Variants in SPACDR observed in about 807,000 individuals in gnomAD.
SPACDR encodes the protein uncharacterized protein C7orf61.
chr7:100,463,904 C>A, the SPACDR span: 6 of 1,556,830 alleles, frequency 3.9e-6, no homozygotes, highest in Non-Finnish European at 5.3e-6. Context: ...TAAGGGGCTG[C>A]TGCGACCCAT....
the SPACDR span, among the ~76,000 whole-genome samples, chr7:100,459,866 C>G: frequency 1.3e-5 from 2 of 151,930 alleles, no homozygotes; most frequent in Admixed American, 6.6e-5. Flanking sequence ...TATTACAAAT[C>G]AAGCTGCTGT....
the SPACDR span, among the ~76,000 whole-genome samples, chr7:100,457,859 T>A: frequency 0.39 from 28,172 of 72,034 alleles, 3,668 homozygotes; most frequent in Middle Eastern, 0.6. Context: ...ATATATATAT[T>A]TTTTTTTTTT....
the SPACDR span, among the ~76,000 whole-genome samples, chr7:100,457,392 C>T: frequency 6.6e-6 from 1 of 151,970 alleles, no homozygotes; most frequent in Admixed American, 6.6e-5. Flanking sequence ...GATCTCAGCT[C>T]ACTGCATCCT....
the SPACDR span, chr7:100,456,622 A>C: frequency 1.4e-6 from 1 of 734,416 alleles, no homozygotes; most frequent in Non-Finnish European, 2.2e-6. Context: ...ATACTGACTC[A>C]GAACTATCTG....
the SPACDR span, among the ~76,000 whole-genome samples, chr7:100,457,841 G>GTGTGTGTA: frequency 6.7e-4 from 57 of 85,068 alleles, no homozygotes; most frequent in East Asian, 1.6e-3. Context: ...GTGTGTGTGT[G>GTGTGTGTA]TATATATATA....
chr7:100,462,437 T>A, the SPACDR span, among the ~76,000 whole-genome samples: 3 of 151,920 alleles, frequency 2.0e-5, no homozygotes, highest in South Asian at 6.2e-4. Flanking sequence ...ATGGTCTCAA[T>A]CTCCTGACCT....
chr7:100,456,892 C>T, the SPACDR span: 1 of 1,613,700 alleles, frequency 6.2e-7, no homozygotes, highest in South Asian at 1.1e-5. Context: ...GCCCACAGCA[C>T]CAGGTACACC....
At chr7:100,456,752 C>G in the SPACDR span, 1 of 1,600,060 alleles carries the variant, frequency 6.2e-7, no homozygotes, top group African/African-American at 1.3e-5. Flanking sequence ...GGGGTTCCCC[C>G]TAGAGGGGAC....
the SPACDR span, chr7:100,463,211 T>G: frequency 1.6e-6 from 1 of 614,232 alleles, no homozygotes; most frequent in Non-Finnish European, 2.8e-6. Context: ...TGAGCTCAAG[T>G]GATCCTCCCA....
the SPACDR span, chr7:100,457,053 A>C: frequency 8.7e-7 from 1 of 1,145,634 alleles, no homozygotes; most frequent in South Asian, 1.5e-5. Context: ...CGCTAGAACG[A>C]CCCATAGATA....
chr7:100,463,185 G>C, the SPACDR span, among the ~76,000 whole-genome samples: 1 of 151,856 alleles, frequency 6.6e-6, no homozygotes, highest in African/African-American at 2.4e-5. Context: ...TGTTGCCCAG[G>C]CTGGTCTCGA....
the SPACDR span, among the ~76,000 whole-genome samples, chr7:100,461,950 G>A: frequency 5.1e-5 from 7 of 137,260 alleles, no homozygotes; most frequent in Non-Finnish European, 9.2e-5. Flanking sequence ...CCGAGATCCC[G>A]CCACTGCACT....
chr7:100,459,921 G>A, the SPACDR span, among the ~76,000 whole-genome samples: 2 of 149,774 alleles, frequency 1.3e-5, no homozygotes, highest in Non-Finnish European at 3.0e-5. Flanking sequence ...ATGGAGTCTC[G>A]CTCTGTCACC....
the SPACDR span, chr7:100,463,253 C>G: frequency 1.1e-4 from 96 of 889,996 alleles, 1 homozygote; most frequent in East Asian, 8.5e-4. Flanking sequence ...GGATTACAGG[C>G]GTGAGTCACT....
the SPACDR span, chr7:100,456,962 G>C: frequency 4.3e-6 from 7 of 1,612,726 alleles, no homozygotes; most frequent in East Asian, 1.6e-4. Context: ...CTTGGGAGCT[G>C]ACTGAGGCAG....
the SPACDR span, chr7:100,463,839 C>A: frequency 7.6e-7 from 1 of 1,307,994 alleles, no homozygotes; most frequent in Non-Finnish European, 1.1e-6. Context: ...TCCTTTCCTT[C>A]CTCCCCACTC....
chr7:100,457,803 ATGTGTGTG>A, the SPACDR span, among the ~76,000 whole-genome samples: 5 of 72,606 alleles, frequency 6.9e-5, no homozygotes, highest in Non-Finnish European at 1.1e-4. Context: ...ATATATATAT[ATGTGTGTG>A]TGTGTGTGTG....
chr7:100,456,628 A>G, the SPACDR span: 1 of 739,312 alleles, frequency 1.4e-6, no homozygotes, highest in Non-Finnish European at 2.2e-6. Flanking sequence ...ACTCAGAACT[A>G]TCTGATATTT....
the SPACDR span, among the ~76,000 whole-genome samples, chr7:100,461,600 C>T: frequency 6.6e-6 from 1 of 151,916 alleles, no homozygotes; most frequent in Admixed American, 6.6e-5. Context: ...TTCTTACTCC[C>T]TGGACACCCC....
Sources: gnomAD v4.1 joint callset for allele counts (sites outside exome capture counted in the v4.1 genomes callset) on GRCh38, gnomAD v4.1.1 for gene constraint, MANE v1.5 for transcripts, NCBI Gene and HGNC (gene_info 2026-07-23, HGNC 2026-07-21) for gene names.